Variants in PTPRD observed in about 807,000 individuals in gnomAD.
PTPRD encodes protein tyrosine phosphatase receptor type D, also known as receptor-type tyrosine-protein phosphatase delta.
PTPRD carries 34 observed loss-of-function variants against 214.5 expected under a neutral mutation model. The ratio of observed to expected loss-of-function variants is 0.16; its 90% CI spans 0.12 to 0.21. PTPRD has a LOEUF of 0.21. Ranked by LOEUF, PTPRD falls within the 10% of genes least tolerant of loss-of-function variation. PTPRD has a pLI of 1.00. For synonymous variants in PTPRD, 1,128 were observed against 845.7 expected (o/e 1.33, Z -5.79); for missense variants, 2,545 against 2,398.7 (o/e 1.06, Z -1.27).
At chr9:9,112,939 C>T (rs148904358) in intron 10 of PTPRD, among the ~76,000 whole-genome samples, 253 of 151,382 alleles carry the variant, frequency 1.7e-3, no homozygotes, top group African/African-American at 5.8e-3. Flanking sequence ...ATAGGACAAA[C>T]TTTTAGAAAT....
intron 34 of PTPRD, among the ~76,000 whole-genome samples, chr9:8,438,457 C>A (rs1236255230): frequency 6.6e-6 from 1 of 152,100 alleles, no homozygotes; most frequent in Non-Finnish European, 1.5e-5. Context: ...AATTTTGGAA[C>A]CCTTTCTGAA....
chr9:9,320,024 C>A (rs981112778), intron 9 of PTPRD, among the ~76,000 whole-genome samples: 41 of 152,022 alleles, frequency 2.7e-4, no homozygotes, highest in African/African-American at 9.9e-4. Flanking sequence ...CTAAGAAGTT[C>A]ATCACTAATG....
intron 11 of PTPRD, among the ~76,000 whole-genome samples, chr9:9,013,094 GT>G (rs1306661274): frequency 5.9e-5 from 9 of 152,152 alleles, no homozygotes; most frequent in Admixed American, 4.6e-4. Flanking sequence ...TTGCTTGTTT[GT>G]TTTTTAAGCA....
At chr9:8,930,568 A>G (rs1213894816) in intron 11 of PTPRD, among the ~76,000 whole-genome samples, 1 of 152,192 alleles carries the variant, frequency 6.6e-6, no homozygotes, top group African/African-American at 2.4e-5. Flanking sequence ...ACTAGTTTAC[A>G]GTCCCACCAA....
chr9:8,330,140 A>AC (rs554219253), intron 44 of PTPRD, among the ~76,000 whole-genome samples: 122 of 151,826 alleles, frequency 8.0e-4, no homozygotes, highest in African/African-American at 2.8e-3. Flanking sequence ...AAATCCCCTG[A>AC]CCCCTTGTGC....
At chr9:8,451,899 G>A (rs2095969855) in intron 33 of PTPRD, 1 of 500,340 alleles carries the variant, frequency 2.0e-6, no homozygotes, top group Non-Finnish European at 4.0e-6. Context: ...TACTCTTACA[G>A]GTATTGTAGG....
At chr9:8,748,543 A>AAAG in intron 11 of PTPRD, among the ~76,000 whole-genome samples, 1 of 149,852 alleles carries the variant, frequency 6.7e-6, no homozygotes, top group African/African-American at 2.5e-5. Flanking sequence ...AAAAAAAAGA[A>AAAG]AAAGAAAAAG....
At chr9:8,351,742 TA>T (rs71317359) in intron 39 of PTPRD, among the ~76,000 whole-genome samples, 1,929 of 68,344 alleles carry the variant, frequency 0.028, 61 homozygotes, top group African/African-American at 0.12. Context: ...TGGCAAAGAG[TA>T]AAAAAAAAAA....
chr9:9,285,672 T>A (rs1352210749), intron 9 of PTPRD, among the ~76,000 whole-genome samples: 1 of 151,822 alleles, frequency 6.6e-6, no homozygotes, highest in African/African-American at 2.4e-5. Flanking sequence ...CACAGCTTGC[T>A]ATTGCTCCTT....
chr9:10,540,073 G>C (rs1403927305), intron 2 of PTPRD, among the ~76,000 whole-genome samples: 2 of 152,012 alleles, frequency 1.3e-5, no homozygotes, highest in Non-Finnish European at 2.9e-5. Context: ...CTGTTATTTT[G>C]AGGTTGGAGT....
At chr9:8,448,277 G>A (rs187442064) in intron 34 of PTPRD, among the ~76,000 whole-genome samples, 120 of 152,252 alleles carry the variant, frequency 7.9e-4, no homozygotes, top group African/African-American at 2.8e-3. Flanking sequence ...GCAGTGAGCC[G>A]TCATTGTGCT....
intron 3 of PTPRD, among the ~76,000 whole-genome samples, chr9:10,247,399 AAATT>A (rs1436990594): frequency 6.6e-6 from 1 of 152,208 alleles, no homozygotes; most frequent in Non-Finnish European, 1.5e-5. Context: ...ATTACGTAAA[AAATT>A]AATCCCTAAA....
At chr9:9,723,423 G>T (rs1254471760) in intron 7 of PTPRD, among the ~76,000 whole-genome samples, 1 of 151,958 alleles carries the variant, frequency 6.6e-6, no homozygotes, top group Non-Finnish European at 1.5e-5. Flanking sequence ...ATACTTCATT[G>T]ATTCTCATGG....
At chr9:9,023,224 T>G (rs2099575647) in intron 10 of PTPRD, among the ~76,000 whole-genome samples, 1 of 152,158 alleles carries the variant, frequency 6.6e-6, no homozygotes, top group African/African-American at 2.4e-5. Flanking sequence ...AATGTGGGAC[T>G]TGATATTACT....
At chr9:9,434,406 G>C (rs1252069724) in intron 8 of PTPRD, among the ~76,000 whole-genome samples, 2 of 152,140 alleles carry the variant, frequency 1.3e-5, no homozygotes, top group Non-Finnish European at 2.9e-5. Context: ...TCATGCATTG[G>C]AAGAATGAAT....
At chr9:8,824,399 G>A (rs1036118981) in intron 11 of PTPRD, among the ~76,000 whole-genome samples, 1 of 152,116 alleles carries the variant, frequency 6.6e-6, no homozygotes, top group African/African-American at 2.4e-5. Context: ...GCCTAACTAT[G>A]GGGGTCTCTT....
chr9:10,573,260 A>G (rs1410284681), intron 2 of PTPRD, among the ~76,000 whole-genome samples: 1 of 152,202 alleles, frequency 6.6e-6, no homozygotes, highest in African/African-American at 2.4e-5. Context: ...CTTTATCAAT[A>G]AAAAACACAC....
intron 11 of PTPRD, among the ~76,000 whole-genome samples, chr9:8,788,929 G>T (rs1381931116): frequency 6.6e-6 from 1 of 151,546 alleles, no homozygotes; most frequent in Non-Finnish European, 1.5e-5. Context: ...AATGTTTACT[G>T]GACCTTATCA....
At chr9:8,966,925 C>G (rs1050822242) in intron 11 of PTPRD, among the ~76,000 whole-genome samples, 2 of 151,410 alleles carry the variant, frequency 1.3e-5, no homozygotes, top group South Asian at 2.1e-4. Context: ...AACAAACAAA[C>G]AAACAAACAA....
Sources: gnomAD v4.1 joint callset for allele counts (sites outside exome capture counted in the v4.1 genomes callset) on GRCh38, gnomAD v4.1.1 for gene constraint, MANE v1.5 for transcripts, NCBI Gene and HGNC (gene_info 2026-07-23, HGNC 2026-07-21) for gene names.